The following MGMT variants were observed in gnomAD, a reference collection of about 807,000 sequenced individuals.
MGMT encodes O-6-methylguanine-DNA methyltransferase.
A neutral mutation model predicts 15.9 loss-of-function variants in MGMT; 14 were observed. The observed-to-expected ratio is 0.88, with a 90% CI of 0.58 to 1.37. MGMT has a LOEUF of 1.37. Ranked by LOEUF, MGMT falls within the 40% of genes most tolerant of loss-of-function variation. MGMT has a pLI of 0.00. For missense variants in MGMT, 282 were observed against 268.1 expected (o/e 1.05, Z -0.36); for synonymous variants, 130 against 118.2 (o/e 1.10, Z -0.65).
chr10:129,718,281 G>A (rs1009144166), intron 3 of MGMT, among the ~76,000 whole-genome samples: 6 of 152,226 alleles, frequency 3.9e-5, no homozygotes, highest in African/African-American at 1.4e-4. Context: ...GTCTGTGAAG[G>A]CAGTGGCGCT....
chr10:129,602,908 A>G (rs1416201412), intron 2 of MGMT, among the ~76,000 whole-genome samples: 1 of 152,212 alleles, frequency 6.6e-6, no homozygotes, highest in African/African-American at 2.4e-5. Flanking sequence ...AAAAAAAGTC[A>G]TCTTTAAGAT....
intron 2 of MGMT, among the ~76,000 whole-genome samples, chr10:129,684,862 A>G (rs991302886): frequency 1.2e-4 from 18 of 152,238 alleles, no homozygotes; most frequent in Non-Finnish European, 4.4e-5. Context: ...TGGATTTGTA[A>G]AAATTGCAGT....
chr10:129,598,306 T>G (rs1846776232), intron 2 of MGMT, among the ~76,000 whole-genome samples: 1 of 152,210 alleles, frequency 6.6e-6, no homozygotes, highest in Non-Finnish European at 1.5e-5. Flanking sequence ...TTCTTTGCTG[T>G]GGAACCGTGG....
intron 1 of MGMT, among the ~76,000 whole-genome samples, chr10:129,501,324 A>G (rs535989457): frequency 1.3e-5 from 2 of 152,278 alleles, no homozygotes; most frequent in African/African-American, 2.4e-5. Flanking sequence ...TCTCTAGGCC[A>G]AAGGTTGGAC....
At chr10:129,475,110 G>A (rs1845276012) in intron 1 of MGMT, among the ~76,000 whole-genome samples, 1 of 152,126 alleles carries the variant, frequency 6.6e-6, no homozygotes, top group African/African-American at 2.4e-5. Context: ...GGCAAGGTCT[G>A]GGGAGGAGGC....
At chr10:129,473,700 C>A (rs1338197988) in intron 1 of MGMT, among the ~76,000 whole-genome samples, 6 of 152,230 alleles carry the variant, frequency 3.9e-5, no homozygotes, top group African/African-American at 1.4e-4. Context: ...TTCTGAACAT[C>A]AATGTGACCA....
At chr10:129,720,403 G>A (rs942557840) in intron 3 of MGMT, among the ~76,000 whole-genome samples, 1 of 152,174 alleles carries the variant, frequency 6.6e-6, no homozygotes, top group Non-Finnish European at 1.5e-5. Flanking sequence ...GCTCAGCACA[G>A]CCCTCGCGGC....
chr10:129,555,087 G>A (rs1846198172), intron 2 of MGMT, among the ~76,000 whole-genome samples: 1 of 152,238 alleles, frequency 6.6e-6, no homozygotes, highest in African/African-American at 2.4e-5. Flanking sequence ...TGCTGCCGTT[G>A]ATGAGGATGA....
chr10:129,503,463 C>T (rs145143744), intron 1 of MGMT, among the ~76,000 whole-genome samples: 22 of 152,320 alleles, frequency 1.4e-4, no homozygotes, highest in South Asian at 6.2e-4. Context: ...CCTGAATTAG[C>T]TTGACTTGTC....
At chr10:129,605,551 C>A (rs1449136338) in intron 2 of MGMT, among the ~76,000 whole-genome samples, 2 of 152,076 alleles carry the variant, frequency 1.3e-5, no homozygotes, top group African/African-American at 2.4e-5. Flanking sequence ...GAAAATAATT[C>A]TTTTCAACAA....
At chr10:129,519,476 C>T (rs1264001004) in intron 1 of MGMT, among the ~76,000 whole-genome samples, 3 of 152,212 alleles carry the variant, frequency 2.0e-5, no homozygotes, top group Admixed American at 6.5e-5. Context: ...AAGCGGGGCG[C>T]ACTTCCTCTG....
intron 3 of MGMT, among the ~76,000 whole-genome samples, chr10:129,719,377 G>A (rs560285279): frequency 6.6e-6 from 1 of 152,368 alleles, no homozygotes; most frequent in African/African-American, 2.4e-5. Flanking sequence ...GGCAACCTCG[G>A]GAAACACTCT....
chr10:129,517,150 C>T (rs1049957634), intron 1 of MGMT, among the ~76,000 whole-genome samples: 1 of 152,204 alleles, frequency 6.6e-6, no homozygotes, highest in Non-Finnish European at 1.5e-5. Context: ...GAGGAGAGGT[C>T]ATAGCTGGAG....
chr10:129,497,936 C>T (rs564232980), intron 1 of MGMT, among the ~76,000 whole-genome samples: 3 of 152,320 alleles, frequency 2.0e-5, no homozygotes, highest in African/African-American at 7.2e-5. Flanking sequence ...CCAGAATGTG[C>T]GAGATGAATT....
chr10:129,728,163 G>A (rs1353652835), intron 3 of MGMT, among the ~76,000 whole-genome samples: 1 of 152,200 alleles, frequency 6.6e-6, no homozygotes, highest in Admixed American at 6.5e-5. Context: ...AGGGGACAAG[G>A]GGGACCTGAA....
intron 4 of MGMT, among the ~76,000 whole-genome samples, chr10:129,763,879 A>G (rs1848902785): frequency 6.6e-6 from 1 of 152,218 alleles, no homozygotes; most frequent in Non-Finnish European, 1.5e-5. Context: ...ACCTCACTCT[A>G]GTAAACTCAA....
intron 2 of MGMT, among the ~76,000 whole-genome samples, chr10:129,626,363 C>T (rs370677003): frequency 2.0e-5 from 3 of 152,160 alleles, no homozygotes; most frequent in South Asian, 4.1e-4. Flanking sequence ...GAACACCACC[C>T]GTGTGAACAG....
intron 2 of MGMT, among the ~76,000 whole-genome samples, chr10:129,585,733 G>C (rs777792675): frequency 6.6e-6 from 1 of 152,120 alleles, no homozygotes; most frequent in Non-Finnish European, 1.5e-5. Context: ...GGTTGAGTCC[G>C]TGAGTCCGTG....
chr10:129,639,947 CA>C (rs35965727), intron 2 of MGMT, among the ~76,000 whole-genome samples: 55,739 of 115,948 alleles, frequency 0.48, 10,660 homozygotes, highest in Admixed American at 0.53. Flanking sequence ...CTAGACTGAC[CA>C]AAAAAAAAAA....
Sources: allele counts gnomAD v4.1 joint callset (sites outside exome capture counted in the v4.1 genomes callset), GRCh38; gene constraint gnomAD v4.1.1; transcripts MANE v1.5; gene names NCBI Gene and HGNC (gene_info 2026-07-23, HGNC 2026-07-21).